SDK1: variants seen among roughly 807,000 people sequenced by gnomAD.
The protein encoded by SDK1 is protein sidekick-1.
Under a neutral mutation model 245.5 loss-of-function variants are expected in SDK1, and 157 were observed. The ratio of observed to expected loss-of-function variants is 0.64; its 90% CI spans 0.56 to 0.73. The LOEUF (loss-of-function observed/expected upper bound fraction) is 0.73. SDK1 is among the 30% of genes least tolerant of loss of function. SDK1 has a pLI of 0.00. For missense variants in SDK1, 3,583 were observed against 3,002.3 expected, an observed-to-expected ratio of 1.19 and a Z score of -4.52; for synonymous variants, 1,647 against 1,278.5, an observed-to-expected ratio of 1.29 and a Z score of -6.15.
rs754073170 is a variant in SDK1 at position 4,149,320 on chromosome 7, C to T, written c.4482C>T (p.Ser1494=). The part of the protein sequence containing the change: ...LVPQAEVTAR[S]LRLQWVPGSD... ...CCCAGGCAGAAGTGACCGCACGCAG[C>T]CTCCGGCTCCAGTGGGTCCCGGGCA... is the stretch of plus-strand genomic sequence containing the variant. The change falls in exon 30 of 45, where the codon AGC becomes AGT. Residue 1494 remains serine, a synonymous_variant. Coordinates refer to ENST00000404826, the MANE Select transcript of SDK1 (RefSeq NM_152744.4). The T allele has an allele frequency of 5.0e-6, 8 of 1,589,508 alleles. No individual in the cohort carries two copies. The African/African-American group carries it at 5.4e-5, about 11-fold the overall frequency.
chr7:3,778,078 T>C (rs17133812), intron 4 of SDK1, among the ~76,000 whole-genome samples: 1,753 of 152,264 alleles, frequency 0.012, 26 homozygotes, highest in African/African-American at 0.029. Flanking sequence ...AAAGTAACAT[T>C]TTTTTTGCCC....
At chr7:4,096,861 A>C (rs1008260886) in intron 22 of SDK1, among the ~76,000 whole-genome samples, 1 of 152,160 alleles carries the variant, frequency 6.6e-6, no homozygotes, top group Non-Finnish European at 1.5e-5. Flanking sequence ...CTGTGGTCAG[A>C]GAACCCAGGT....
At chr7:3,589,251 A>G (rs567349776) in intron 1 of SDK1, among the ~76,000 whole-genome samples, 1 of 152,262 alleles carries the variant, frequency 6.6e-6, no homozygotes, top group Admixed American at 6.5e-5. Flanking sequence ...CTGATCTCAC[A>G]GGTGGTGTTG....
chr7:3,961,462 C>T (rs1781675311), intron 8 of SDK1, among the ~76,000 whole-genome samples: 1 of 152,192 alleles, frequency 6.6e-6, no homozygotes, highest in African/African-American at 2.4e-5. Flanking sequence ...GTGTGCTTTG[C>T]ACTGAAGCAT....
chr7:3,768,250 A>G (rs1780310664), intron 4 of SDK1, among the ~76,000 whole-genome samples: 1 of 152,226 alleles, frequency 6.6e-6, no homozygotes, highest in Non-Finnish European at 1.5e-5. Flanking sequence ...CTAAGTTGCA[A>G]CAGAAAAACT....
At chr7:4,115,555 C>T (rs1199184645) in intron 25 of SDK1, among the ~76,000 whole-genome samples, 1 of 152,198 alleles carries the variant, frequency 6.6e-6, no homozygotes, top group Non-Finnish European at 1.5e-5. Context: ...TTTTTGCTGT[C>T]GTAGACATGG....
At chr7:3,404,522 C>T (rs565037759) in intron 1 of SDK1, among the ~76,000 whole-genome samples, 1 of 152,218 alleles carries the variant, frequency 6.6e-6, no homozygotes, top group African/African-American at 2.4e-5. Context: ...ACTTGTTAGT[C>T]TGCCCTTAGG....
intron 4 of SDK1, among the ~76,000 whole-genome samples, chr7:3,797,601 A>G (rs1778994219): frequency 6.6e-6 from 1 of 152,092 alleles, no homozygotes; most frequent in Admixed American, 6.5e-5. Flanking sequence ...ATTTACATAG[A>G]TCTAATTTAT....
At chr7:3,839,089 C>G (rs572113031) in intron 5 of SDK1, among the ~76,000 whole-genome samples, 1 of 152,282 alleles carries the variant, frequency 6.6e-6, no homozygotes, top group South Asian at 2.1e-4. Context: ...TCCACATCCT[C>G]CATTTCCATG....
intron 22 of SDK1, among the ~76,000 whole-genome samples, chr7:4,105,394 C>A (rs1782835587): frequency 1.3e-5 from 2 of 151,996 alleles, no homozygotes; most frequent in Non-Finnish European, 1.5e-5. Context: ...GCATCCTCCA[C>A]CCCCCTGGTT....
intron 4 of SDK1, among the ~76,000 whole-genome samples, chr7:3,733,121 C>A (rs1187656734): frequency 6.6e-6 from 1 of 152,190 alleles, no homozygotes; most frequent in Non-Finnish European, 1.5e-5. Context: ...AAGAGTTTGA[C>A]AAGTTTCTTG....
intron 43 of SDK1, among the ~76,000 whole-genome samples, chr7:4,242,485 G>A (rs1444630219): frequency 6.6e-6 from 1 of 152,100 alleles, no homozygotes; most frequent in Non-Finnish European, 1.5e-5. Flanking sequence ...GAGAGGGGTT[G>A]ACCTGGGTTT....
At chr7:3,350,605 AGACCAT>A (rs1780634089) in intron 1 of SDK1, among the ~76,000 whole-genome samples, 1 of 152,334 alleles carries the variant, frequency 6.6e-6, no homozygotes, top group South Asian at 2.1e-4. Context: ...AATCAACTCT[AGACCAT>A]GATAGAGCCT....
At chr7:3,666,518 T>A (rs1231853928) in intron 4 of SDK1, among the ~76,000 whole-genome samples, 1 of 152,182 alleles carries the variant, frequency 6.6e-6, no homozygotes, top group East Asian at 1.9e-4. Flanking sequence ...GTGGTTTCCC[T>A]GGGGTCTGGC....
rs182492643 is a variant in SDK1 at position 3,382,393 on chromosome 7, C to A, written c.298+80509C>A. 3.4e-3 allele frequency among the ~76,000 whole-genome samples: 515 copies of A among 152,236 alleles called. 8 individuals carry two copies. Among genetic ancestry groups the A allele is most frequent in the Non-Finnish European group, 3.1e-3 (209 of 68,022 alleles). The stretch of plus-strand genomic sequence containing the variant: ...CGTATCTGACTCCAGAGTGGTGGTG[C>A]CAGCTGCTGTTCTGTGGATTGAGCC... On this transcript the variant is annotated intron_variant, in intron 1 of 44. Coordinates refer to ENST00000404826, the MANE Select transcript of SDK1 (RefSeq NM_152744.4).
At chr7:3,508,736 A>G (rs1364357654) in intron 1 of SDK1, among the ~76,000 whole-genome samples, 1 of 152,098 alleles carries the variant, frequency 6.6e-6, no homozygotes. Context: ...TTCGAACCCT[A>G]GTATTGAAAT....
chr7:3,822,826 C>T (rs1203375332), intron 5 of SDK1, among the ~76,000 whole-genome samples: 2 of 151,572 alleles, frequency 1.3e-5, no homozygotes, highest in Non-Finnish European at 2.9e-5. Context: ...ATTTGCCTGA[C>T]ATGGCCCTCG....
At chr7:3,749,579 G>A (rs1779720747) in intron 4 of SDK1, among the ~76,000 whole-genome samples, 1 of 152,188 alleles carries the variant, frequency 6.6e-6, no homozygotes, top group Non-Finnish European at 1.5e-5. Context: ...GATTAGAGGT[G>A]TGAGCCACCG....
intron 1 of SDK1, among the ~76,000 whole-genome samples, chr7:3,406,492 C>G (rs1343463576): frequency 1.3e-5 from 2 of 152,298 alleles, no homozygotes; most frequent in South Asian, 4.2e-4. Flanking sequence ...GTCGGACAGA[C>G]CTTGTTTAAA....
Sources: allele counts gnomAD v4.1 joint callset (sites outside exome capture counted in the v4.1 genomes callset), GRCh38; gene constraint gnomAD v4.1.1; transcripts MANE v1.5; gene names NCBI Gene and HGNC (gene_info 2026-07-23, HGNC 2026-07-21).